Variants in SOX6 observed in about 807,000 individuals in gnomAD.
SOX6 encodes the protein transcription factor SOX-6.
SOX6 carries 11 observed loss-of-function variants against 97.8 expected under a neutral mutation model. The observed-to-expected ratio is 0.11, with a 90% CI of 0.07 to 0.19. The LOEUF is 0.19. SOX6 is among the 10% of genes least tolerant of loss of function. SOX6 has a pLI of 1.00. For synonymous variants in SOX6, 360 were observed against 371.4 expected (o/e 0.97, Z 0.35); for missense variants, 810 against 1,039.5 (o/e 0.78, Z 3.04).
rs369294691 is a variant in SOX6 at position 16,486,682 on chromosome 11, G to A, written n.610-10294C>T. On this transcript the variant is annotated intron_variant and non_coding_transcript_variant, in intron 4 of 5. Transcript: ENST00000524520. ...TTGAGACCAGCCTGGCCAACATGGT[G>A]AAACCCCATCTCTACTAAAAATACA... 1.2e-4 allele frequency among the ~76,000 whole-genome samples: 18 copies of A among 152,146 alleles called. No homozygotes were observed. The South Asian group carries it at 1.5e-3, about 12-fold the overall frequency.
At chr11:16,667,850 GAAC>G (rs1847818554) in intron 3 of SOX6, among the ~76,000 whole-genome samples, 1 of 152,002 alleles carries the variant, frequency 6.6e-6, no homozygotes. Context: ...ACTAAAAGAT[GAAC>G]CCACCAAAAG....
At chr11:16,325,027 T>A (rs1406825868) in intron 2 of SOX6, among the ~76,000 whole-genome samples, 2 of 152,054 alleles carry the variant, frequency 1.3e-5, no homozygotes, top group African/African-American at 2.4e-5. Flanking sequence ...AAAAATTATG[T>A]ACAGAAAAAA....
At chr11:15,983,341 T>C (rs932374391) in intron 15 of SOX6, among the ~76,000 whole-genome samples, 1 of 152,074 alleles carries the variant, frequency 6.6e-6, no homozygotes, top group Non-Finnish European at 1.5e-5. Flanking sequence ...TATTGATAAA[T>C]TCATTTCATA....
intron 3 of SOX6, among the ~76,000 whole-genome samples, chr11:16,296,412 A>T (rs1855090652): frequency 6.6e-6 from 1 of 152,162 alleles, no homozygotes; most frequent in African/African-American, 2.4e-5. Context: ...TCAAATAACA[A>T]CTAAGACATG....
intron 3 of SOX6, among the ~76,000 whole-genome samples, chr11:16,712,843 A>C (rs1046573739): frequency 1.3e-5 from 2 of 152,240 alleles, no homozygotes; most frequent in Non-Finnish European, 2.9e-5. Flanking sequence ...TAGTTCAATT[A>C]TTTATACTGT....
intron 3 of SOX6, among the ~76,000 whole-genome samples, chr11:16,262,286 T>C (rs1590073232): frequency 6.6e-6 from 1 of 152,190 alleles, no homozygotes; most frequent in South Asian, 2.1e-4. Context: ...GCTCTTAGTA[T>C]ACAAGGAGTG....
chr11:16,025,055 G>C (rs1855177042), intron 12 of SOX6, among the ~76,000 whole-genome samples: 1 of 152,122 alleles, frequency 6.6e-6, no homozygotes. Context: ...AATTAAATTA[G>C]TTTCATCAGG....
At chr11:16,202,480 A>C (rs1372675029) in intron 4 of SOX6, among the ~76,000 whole-genome samples, 5 of 152,210 alleles carry the variant, frequency 3.3e-5, no homozygotes, top group Admixed American at 6.5e-5. Flanking sequence ...TCCACGAAAA[A>C]AAGTATTTTT....
intron 2 of SOX6, among the ~76,000 whole-genome samples, chr11:16,727,182 G>A (rs1049820340): frequency 6.8e-6 from 1 of 147,698 alleles, no homozygotes; most frequent in South Asian, 2.1e-4. Flanking sequence ...GGGTTTCTTG[G>A]ATATTTTTGG....
At chr11:16,174,893 A>G (rs1057313123) in intron 6 of SOX6, among the ~76,000 whole-genome samples, 2 of 151,982 alleles carry the variant, frequency 1.3e-5, no homozygotes, top group Non-Finnish European at 2.9e-5. Flanking sequence ...TTTTAGTCTG[A>G]GAGGTGAGAA....
chr11:16,427,975 A>G (rs935773459), intron 1 of SOX6, among the ~76,000 whole-genome samples: 2 of 152,126 alleles, frequency 1.3e-5, no homozygotes, highest in Non-Finnish European at 2.9e-5. Context: ...ATTTCTCCAC[A>G]TCCTCTCCAG....
At chr11:16,095,046 A>G (rs1321651812) in intron 9 of SOX6, among the ~76,000 whole-genome samples, 1 of 151,938 alleles carries the variant, frequency 6.6e-6, no homozygotes, top group Non-Finnish European at 1.5e-5. Context: ...CAGAGCCATC[A>G]GAAGTTAAAT....
intron 6 of SOX6, among the ~76,000 whole-genome samples, chr11:16,157,913 C>A (rs1314535222): frequency 1.3e-5 from 2 of 151,920 alleles, no homozygotes; most frequent in Admixed American, 1.3e-4. Flanking sequence ...TTGAGCAAGC[C>A]TCCCTTACTC....
intron 12 of SOX6, among the ~76,000 whole-genome samples, chr11:16,038,598 T>C (rs549385908): frequency 2.6e-5 from 4 of 152,236 alleles, no homozygotes; most frequent in African/African-American, 9.6e-5. Context: ...TTTTTATAGA[T>C]TGGGAAACTT....
intron 4 of SOX6, among the ~76,000 whole-genome samples, chr11:16,201,823 C>T (rs1402508112): frequency 2.9e-5 from 4 of 138,004 alleles, no homozygotes; most frequent in Admixed American, 1.6e-4. Context: ...TTAGTAGAGA[C>T]GGGGTTTCAC....
At chr11:16,089,659 A>G (rs1447128026) in intron 9 of SOX6, among the ~76,000 whole-genome samples, 4 of 152,094 alleles carry the variant, frequency 2.6e-5, no homozygotes. Flanking sequence ...ATAAAACAGA[A>G]AAGAGGAACT....
intron 1 of SOX6, among the ~76,000 whole-genome samples, chr11:16,410,611 A>G (rs576251165): frequency 3.3e-5 from 5 of 152,034 alleles, no homozygotes; most frequent in African/African-American, 9.6e-5. Flanking sequence ...AAACAAAATT[A>G]GCCAGGCATG....
chr11:16,700,973 A>G (rs1169705952), intron 3 of SOX6, among the ~76,000 whole-genome samples: 1 of 152,236 alleles, frequency 6.6e-6, no homozygotes, highest in Non-Finnish European at 1.5e-5. Flanking sequence ...AATATATACA[A>G]TGCAACACTC....
In SOX6 at chr11:16,033,037, A is replaced by G. The variant is rs189907058; in HGVS notation, c.1623+13477T>C. The stretch of plus-strand genomic sequence containing the variant: ...ACCCTCTATTGTCTGGTTCCTTTTC[A>G]TGGATCTGTCTTACCTCCCAAATCA... On this transcript the variant is annotated intron_variant, in intron 12 of 15. Coordinates refer to ENST00000683767, the MANE Select transcript of SOX6 (RefSeq NM_001367873.1). Among the ~76,000 whole-genome samples, 360 of 152,184 alleles carry G rather than the reference A, an allele frequency of 2.4e-3. 12 individuals carry two copies. Among genetic ancestry groups the G allele is most frequent in the Admixed American group, 0.023 (356 of 15,290 alleles).
Sources: gnomAD v4.1 joint callset for allele counts (sites outside exome capture counted in the v4.1 genomes callset) on GRCh38, gnomAD v4.1.1 for gene constraint, MANE v1.5 for transcripts, NCBI Gene and HGNC (gene_info 2026-07-23, HGNC 2026-07-21) for gene names.